The following ALOX12 variants were observed in gnomAD, a reference collection of about 807,000 sequenced individuals.
ALOX12 encodes polyunsaturated fatty acid lipoxygenase ALOX12.
In ALOX12, 62 loss-of-function variants were observed where a neutral mutation model predicts 85.5. The ratio of observed to expected loss-of-function variants is 0.73; its 90% CI spans 0.59 to 0.90. The LOEUF is 0.90. ALOX12 is among the 40% of genes least tolerant of loss of function. The pLI is 0.00. For synonymous variants in ALOX12, 299 were observed against 332.7 expected (o/e 0.90, Z 1.10); for missense variants, 751 against 856.5 (o/e 0.88, Z 1.54).
At chr17:7,008,779 C>G (rs1295015469) in intron 11 of ALOX12, among the ~76,000 whole-genome samples, 1 of 152,050 alleles carries the variant, frequency 6.6e-6, no homozygotes, top group African/African-American at 2.4e-5. Context: ...GTCTCTGAGC[C>G]CCCATATCCA....
chr17:7,004,366 ATTAAT>A (rs529574282), intron 8 of ALOX12, among the ~76,000 whole-genome samples: 50 of 82,220 alleles, frequency 6.1e-4, no homozygotes, highest in African/African-American at 1.5e-3. Flanking sequence ...TAATTTTAAT[ATTAAT>A]TTAATTTAAT....
rs372169596 is a variant in ALOX12 at position 7,000,451 on chromosome 17, A to G, written c.923A>G (p.Asn308Ser). 25 of 1,614,012 alleles carry G rather than the reference A, an allele frequency of 1.5e-5. No homozygotes were observed. The highest frequency in any genetic ancestry group is 1.7e-4 in the Middle Eastern group (1 of 6,010). ...CTCGTTATGCTGAAGATGGAGCCCAATGGGAAGCTGCAGCCCATGGTCATC... is the reference window on the plus strand; with the variant it reads ...CTCGTTATGCTGAAGATGGAGCCCAGTGGGAAGCTGCAGCCCATGGTCATC... ...APLVMLKMEP[N>S]GKLQPMVIQI... The change falls in exon 7 of 14, where the codon AAT (asparagine) becomes AGT (serine). Residue 308 changes from asparagine to serine, a missense_variant. By Grantham distance (46) the Asn-to-Ser change is conservative. Coordinates refer to ENST00000251535, the MANE Select transcript of ALOX12 (RefSeq NM_000697.3). The surrounding 1 kb of genome is among the most constrained non-coding windows in gnomAD (Gnocchi z 4.6).
At chr17:6,999,601 T>G in intron 6 of ALOX12, 135 bp downstream of exon 6, 1 of 889,392 alleles carries the variant, frequency 1.1e-6, no homozygotes, top group African/African-American at 1.7e-5. Context: ...GCTGGAAAAA[T>G]ACAGAAATAA....
rs974420184 is a variant in ALOX12, at chr17:6,997,552, T to C, written c.337+525T>C. 7.2e-5 allele frequency among the ~76,000 whole-genome samples: 8 copies of C among 111,424 alleles called. 1 individual carries two copies. Among genetic ancestry groups the C allele is most frequent in the Admixed American group, 4.8e-4 (4 of 8,308 alleles). The allele number at this position is 111,424 out of a possible 152,430, so 73.1% of individuals were successfully genotyped here. On this transcript the variant is annotated intron_variant, in intron 2 of 13. Coordinates refer to ENST00000251535, the MANE Select transcript of ALOX12 (RefSeq NM_000697.3). Reference sequence around the variant, plus strand: ...GAGGAGGAATGAGGATGGCAAATAGTGAATTTTTTTTTTTTTTTTTTTTGA... The same window carrying C: ...GAGGAGGAATGAGGATGGCAAATAGCGAATTTTTTTTTTTTTTTTTTTTGA...
At chr17:7,002,868 G>A (rs1164644735) in intron 8 of ALOX12, among the ~76,000 whole-genome samples, 18 of 152,148 alleles carry the variant, frequency 1.2e-4, no homozygotes, top group Admixed American at 1.2e-3. Flanking sequence ...TGAGGTGTTT[G>A]GTTTTAGGTA....
chr17:6,997,555 AT>A (rs56091558), intron 2 of ALOX12, among the ~76,000 whole-genome samples: 67,186 of 104,072 alleles, frequency 0.65, 22,409 homozygotes, highest in Middle Eastern at 0.86. Flanking sequence ...CAAATAGTGA[AT>A]TTTTTTTTTT....
intron 8 of ALOX12, chr17:7,002,687 C>G: frequency 3.2e-6 from 1 of 314,238 alleles, no homozygotes; most frequent in Non-Finnish European, 6.3e-6. Context: ...ATATATATTG[C>G]TGGGAGAAGG....
intron 6 of ALOX12, among the ~76,000 whole-genome samples, chr17:6,999,993 G>A (rs962034836): frequency 6.6e-5 from 10 of 152,194 alleles, no homozygotes; most frequent in Admixed American, 2.0e-4. Context: ...GAGCTGATAG[G>A]AGCCAAAACC....
rs1909278774 is a variant in ALOX12 at position 7,009,534 on chromosome 17, A to AGGTAAAATAT, written c.1541-210_1541-209insAAAATATGGT. The stretch of plus-strand genomic sequence containing the variant: ...AATGTAGGTATCGTCCATATTTTAC[A>AGGTAAAATAT]GGTGAAAAAAACTGAGGTTCAAATA... On this transcript the variant is annotated intron_variant, in intron 11 of 13. Coordinates refer to ENST00000251535, the MANE Select transcript of ALOX12 (RefSeq NM_000697.3). The AGGTAAAATAT allele has an allele frequency of 9.2e-6, 5 of 540,678 alleles. No individual in the cohort carries two copies. The South Asian group carries it at 1.2e-4, about 13-fold the overall frequency. 33.5% of individuals were successfully genotyped at this position (540,678 alleles called of 1,614,324 possible).
intron 7 of ALOX12, chr17:7,001,390 T>C (rs1470920912): frequency 6.8e-6 from 4 of 589,830 alleles, no homozygotes; most frequent in Non-Finnish European, 1.2e-5. Flanking sequence ...AGGGCCTCCT[T>C]CTGGACCCCC....
Position 7,000,543 on chromosome 17 carries a change from A to AC in ALOX12, c.951+67dup. On this transcript the variant is annotated intron_variant, in intron 7 of 13. Coordinates refer to ENST00000251535, the MANE Select transcript of ALOX12 (RefSeq NM_000697.3). This position sits in a 1 kb window ranked among gnomAD's most constrained non-coding sequence, Gnocchi z 4.6. ...TTCACCTCAACCTCTGCTCCCAGGG[A>AC]CCCAACCCCCAGCTCTTGGCTCCCA... is the stretch of plus-strand genomic sequence containing the variant. The AC allele has an allele frequency of 6.3e-7, 1 of 1,575,532 alleles. No homozygotes were observed. Among genetic ancestry groups the AC allele is most frequent in the Non-Finnish European group, 8.6e-7 (1 of 1,156,234 alleles).
At chr17:7,007,656 G>A (rs1186707129) in intron 11 of ALOX12, among the ~76,000 whole-genome samples, 1 of 152,160 alleles carries the variant, frequency 6.6e-6, no homozygotes, top group East Asian at 1.9e-4. Flanking sequence ...GGCTGAGGTG[G>A]GTGGATCACG....
Position 7,000,513 on chromosome 17 carries a change from C to T in ALOX12, c.951+34C>T. 14 of 1,607,864 alleles carry T rather than the reference C, an allele frequency of 8.7e-6. No homozygotes were observed. The highest frequency in any genetic ancestry group is 2.1e-4 in the Middle Eastern group (1 of 4,834). On this transcript the variant is annotated intron_variant, in intron 7 of 13. Coordinates refer to ENST00000251535, the MANE Select transcript of ALOX12 (RefSeq NM_000697.3). The surrounding 1 kb of genome is among the most constrained non-coding windows in gnomAD (Gnocchi z 4.6). ...CCCAGACCTCTCCCACAACGTTGCA[C>T]TCTGTTCACCTCAACCTCTGCTCCC...
In ALOX12 at chr17:7,010,444, G is replaced by T; in HGVS notation, c.*21G>T. 6.2e-7 allele frequency: 1 copy of T among 1,601,762 alleles called. No individual in the cohort carries two copies. The highest frequency in any genetic ancestry group is 2.2e-5 in the East Asian group (1 of 44,716). On this transcript the variant is annotated 3_prime_UTR_variant, in exon 14 of 14. Coordinates refer to ENST00000251535, the MANE Select transcript of ALOX12 (RefSeq NM_000697.3). The stretch of plus-strand genomic sequence containing the variant: ...TCTGAGCCCTAGAGTGACTCTACCT[G>T]CAAGATTTCACATCAGCTTTAGGAC...
intron 2 of ALOX12, among the ~76,000 whole-genome samples, chr17:6,997,527 G>C (rs1445595488): frequency 1.3e-5 from 2 of 151,084 alleles, no homozygotes; most frequent in South Asian, 4.2e-4. Flanking sequence ...CGCAGGAGAC[G>C]AGGAGGAATG....
intron 11 of ALOX12, among the ~76,000 whole-genome samples, chr17:7,007,352 T>C (rs1471047293): frequency 6.6e-6 from 1 of 152,194 alleles, no homozygotes; most frequent in Non-Finnish European, 1.5e-5. Flanking sequence ...CACTCATCCT[T>C]CGGCCCCTCC....
rs373195321 is a variant in ALOX12, at chr17:6,997,044, G to A, written c.337+17G>A. 6.6e-7 allele frequency: 1 copy of A among 1,518,136 alleles called. No homozygotes were observed. 94.0% of individuals were successfully genotyped at this position (1,518,136 alleles called of 1,614,324 possible). ...AGGGCACCGGTGAGCAGGCGGCGTCGGGGAAGGAGGCACAAGGTCTCGGGA... is the reference window on the plus strand; with the variant it reads ...AGGGCACCGGTGAGCAGGCGGCGTCAGGGAAGGAGGCACAAGGTCTCGGGA... On this transcript the variant is annotated intron_variant, in intron 2 of 13. Transcript: ENST00000251535.
At chr17:7,005,033 C>CA (rs3833132) in intron 8 of ALOX12, among the ~76,000 whole-genome samples, 16,112 of 152,212 alleles carry the variant, frequency 0.11, 1,148 homozygotes, top group Admixed American at 0.26. Context: ...GGCCAAGTCT[C>CA]AAATGAGGAG....
chr17:6,996,566 C>T (rs1253595080), intron 1 of ALOX12, among the ~76,000 whole-genome samples: 1 of 151,942 alleles, frequency 6.6e-6, no homozygotes, highest in African/African-American at 2.4e-5. Flanking sequence ...CTCCAAGAAC[C>T]GGCGCGGGGA....
Sources: gnomAD v4.1 joint callset for allele counts (sites outside exome capture counted in the v4.1 genomes callset) on GRCh38, gnomAD v4.1.1 for gene constraint, Gnocchi (gnomAD v3.1) non-coding constraint, MANE v1.5 for transcripts, NCBI Gene and HGNC (gene_info 2026-07-23, HGNC 2026-07-21) for gene names.